SALL4: variants seen among roughly 807,000 people sequenced by gnomAD.
SALL4 encodes sal-like protein 4.
Under a neutral mutation model 60.8 loss-of-function variants are expected in SALL4, and 4 were observed. That is an observed-to-expected ratio of 0.07 (90% CI 0.03 to 0.15). SALL4 has a LOEUF of 0.15. Among genes scored for constraint, SALL4 ranks in the 10% least tolerant of loss-of-function variants. SALL4 has a pLI of 1.00. For synonymous variants in SALL4, 580 were observed against 574.9 expected, an observed-to-expected ratio of 1.01 and a Z score of -0.13; for missense variants, 1,178 against 1,394.7, an observed-to-expected ratio of 0.84 and a Z score of 2.48.
intron 1 of SALL4, among the ~76,000 whole-genome samples, chr20:51,794,033 G>A (rs563209488): frequency 1.6e-4 from 24 of 152,308 alleles, no homozygotes; most frequent in South Asian, 2.1e-4. Flanking sequence ...ACGCGTAATC[G>A]CGAGATGACA....
intron 1 of SALL4, chr20:51,792,685 T>A (rs1302543432): frequency 2.6e-4 from 50 of 191,120 alleles, no homozygotes; most frequent in East Asian, 6.7e-4. Context: ...CGAGACTCCA[T>A]CTCAAAAAAA....
chr20:51,790,692 C>T lies in SALL4; in HGVS notation c.1791G>A (p.Lys597=). The change falls in exon 2 of 4, where the codon AAG becomes AAA. Residue 597 remains lysine (K), a synonymous_variant. Transcript: ENST00000217086. This position sits in a 1 kb window ranked among gnomAD's most constrained non-coding sequence, Gnocchi z 5.5. ...TGGTAGAAAAGGCTCGGCCACAGAT[C>T]TTACACTGGAACGGTCTCTCCCCGG... The part of the protein sequence containing the change: ...THTGERPFQC[K]ICGRAFSTKG... 3 of 1,614,156 alleles carry T rather than the reference C, an allele frequency of 1.9e-6. No individual in the cohort carries two copies. The highest frequency in any genetic ancestry group is 2.5e-6 in the Non-Finnish European group (3 of 1,180,034).
At position 51,802,509 on chromosome 20, in the gene SALL4, T is replaced by G. The variant is rs776937537; in HGVS notation, c.-101A>C. The stretch of plus-strand genomic sequence containing the variant: ...TACCCCCCTTCGGCCGGAACGCGCA[T>G]GTCCCAGTAATTATTATTATCAATA... On this transcript the variant is annotated 5_prime_UTR_variant, in exon 1 of 4. An upstream start codon of the reference 5' UTR is lost. Coordinates refer to ENST00000217086, the MANE Select transcript of SALL4 (RefSeq NM_020436.5). 3.2e-6 allele frequency: 5 copies of G among 1,546,996 alleles called. No individual in the cohort carries two copies. Among genetic ancestry groups the G allele is most frequent in the Non-Finnish European group, 4.4e-6 (5 of 1,136,236 alleles).
At position 51,790,681 on chromosome 20, in the gene SALL4, C is replaced by G. The variant is rs1415936268; in HGVS notation, c.1802G>C (p.Arg601Pro). 1 of 1,614,118 alleles carries G rather than the reference C, an allele frequency of 6.2e-7. No homozygotes were observed. Among genetic ancestry groups the G allele is most frequent in the Non-Finnish European group, 8.5e-7 (1 of 1,180,032 alleles). ...CAGGTTACCTTTGGTAGAAAAGGCT[C>G]GGCCACAGATCTTACACTGGAACGG... Reference protein sequence around the residue: ...ERPFQCKICGRAFSTKGNLKT... With the variant: ...ERPFQCKICGPAFSTKGNLKT... Residue 601 changes from arginine to proline, a missense_variant, in exon 2 of 4, where the codon CGA (arginine) becomes CCA (proline). Arg to Pro is a moderately radical substitution (Grantham distance 103, BLOSUM62 -2). Around this residue, in one of 5 missense-constraint regions of SALL4, gnomAD observed 853 missense variants for 1,036.8 expected, o/e 0.82. Transcript: ENST00000217086. The surrounding 1 kb of genome is among the most constrained non-coding windows in gnomAD (Gnocchi z 5.5).
intron 1 of SALL4, chr20:51,797,364 AG>A (rs1051790613): frequency 3.9e-5 from 6 of 152,266 alleles, no homozygotes; most frequent in African/African-American, 1.4e-4. Context: ...GGCACAAAAA[AG>A]GTTAAGCTCC....
At position 51,784,171 on chromosome 20, in the gene SALL4, A is replaced by T; in HGVS notation, c.*94T>A. 6.8e-7 allele frequency: 1 copy of T among 1,464,000 alleles called. No homozygotes were observed. The highest frequency in any genetic ancestry group is 9.5e-7 in the Non-Finnish European group (1 of 1,053,298). 90.7% of individuals were successfully genotyped at this position (1,464,000 alleles called of 1,614,324 possible). A position where few individuals can be genotyped will look rare whatever the true frequency, so the allele number is the denominator to read the frequency against. ...TAAACATCATTTGCATATCAGTAAG[A>T]AAAAGAAAACAGGAGGAGATGAGTT... On this transcript the variant is annotated 3_prime_UTR_variant, in exon 4 of 4. Transcript: ENST00000217086.
In SALL4 at chr20:51,782,974, C is replaced by T. The variant is rs576488817; in HGVS notation, c.*1291G>A. On this transcript the variant is annotated 3_prime_UTR_variant, in exon 4 of 4. Coordinates refer to ENST00000217086, the MANE Select transcript of SALL4 (RefSeq NM_020436.5). ...ACCCAGGACGTGCCTGTTCTAACTT[C>T]GTAGCCTTCATGAAATATTCAGCAA... 3.3e-5 allele frequency: 5 copies of T among 152,302 alleles called. No homozygotes were observed. The highest frequency in any genetic ancestry group is 3.9e-4 in the East Asian group (2 of 5,190). 9.4% of individuals were successfully genotyped at this position (152,302 alleles called of 1,614,324 possible). A position where few individuals can be genotyped will look rare whatever the true frequency, so the allele number is the denominator to read the frequency against.
Position 51,790,909 on chromosome 20 carries a change from C to T in SALL4, c.1574G>A (p.Gly525Glu), listed in dbSNP as rs746415699. 33 of 1,614,012 alleles carry T rather than the reference C, an allele frequency of 2.0e-5. No homozygotes were observed. The highest frequency in any genetic ancestry group is 2.5e-5 in the Non-Finnish European group (30 of 1,180,046). ...AGCCCTTGGGGAATTATAGTTTGGTCCCACCCCAGGGAGTGTGGGTCCACC... is the reference window on the plus strand; with the variant it reads ...AGCCCTTGGGGAATTATAGTTTGGTTCCACCCCAGGGAGTGTGGGTCCACC... The part of the protein sequence containing the change: ...SEGGPTLPGV[G>E]PNYNSPRAGG... The change falls in exon 2 of 4, where the codon GGA (glycine) becomes GAA (glutamate). Residue 525 changes from glycine to glutamate, a missense_variant. Physicochemically the swap from Gly to Glu is moderately conservative, Grantham distance 98. Transcript: ENST00000217086. The surrounding 1 kb of genome is among the most constrained non-coding windows in gnomAD (Gnocchi z 5.5).
chr20:51,796,246 A>C (rs1358596666), intron 1 of SALL4, among the ~76,000 whole-genome samples: 1 of 150,964 alleles, frequency 6.6e-6, no homozygotes, highest in African/African-American at 2.4e-5. Context: ...GAAAAAAAAA[A>C]CCCTCAATAA....
chr20:51,787,359 G>A (rs546113863), intron 3 of SALL4, among the ~76,000 whole-genome samples: 17 of 152,302 alleles, frequency 1.1e-4, no homozygotes, highest in Admixed American at 5.9e-4. Context: ...GGGAGGCAGA[G>A]GTTGCAATGA....
intron 1 of SALL4, among the ~76,000 whole-genome samples, chr20:51,795,079 T>A (rs2078071613): frequency 6.6e-6 from 1 of 152,156 alleles, no homozygotes. Flanking sequence ...GGTAGAGTTC[T>A]AGTAGCAGGT....
chr20:51,791,838 G>C lies in SALL4; in HGVS notation c.645C>G (p.Leu215=), dbSNP rs61737139. ...VPGANSIPWV[L]EQILCLQQQQ... Reference sequence around the variant, plus strand: ...GCTGCTGCAGACACAAGATCTGCTCGAGGACCCACGGGATGCTGTTGGCAC... The same window carrying C: ...GCTGCTGCAGACACAAGATCTGCTCCAGGACCCACGGGATGCTGTTGGCAC... The change falls in exon 2 of 4, where the codon CTC becomes CTG. Residue 215 remains leucine, a synonymous_variant. Coordinates refer to ENST00000217086, the MANE Select transcript of SALL4 (RefSeq NM_020436.5). This position sits in a 1 kb window ranked among gnomAD's most constrained non-coding sequence, Gnocchi z 4.6. 44,909 of 1,614,128 alleles carry C rather than the reference G, an allele frequency of 0.028. 755 individuals are homozygous for C. Among genetic ancestry groups the C allele is most frequent in the Non-Finnish European group, 0.032 (37,863 of 1,180,040 alleles).
chr20:51,794,141 GT>G (rs2078066334), intron 1 of SALL4, among the ~76,000 whole-genome samples: 1 of 152,156 alleles, frequency 6.6e-6, no homozygotes, highest in Non-Finnish European at 1.5e-5. Flanking sequence ...AATGCCTCTC[GT>G]TCCACAATAC....
In SALL4 at chr20:51,783,336, A is replaced by C. The variant is rs923833519; in HGVS notation, c.*929T>G. ...ACTCCCTAAGGACTAACGTAAGTCC[A>C]TTTGAGGGCCTCCTACTTAAGGTTC... On this transcript the variant is annotated 3_prime_UTR_variant, in exon 4 of 4. Transcript: ENST00000217086. 6.6e-6 allele frequency: 1 copy of C among 152,182 alleles called. No individual in the cohort carries two copies. Among genetic ancestry groups the C allele is most frequent in the Non-Finnish European group, 1.5e-5 (1 of 68,044 alleles). 9.4% of individuals were successfully genotyped at this position (152,182 alleles called of 1,614,324 possible).
intron 1 of SALL4, among the ~76,000 whole-genome samples, chr20:51,798,223 T>C (rs912045915): frequency 3.9e-5 from 6 of 152,176 alleles, no homozygotes; most frequent in Non-Finnish European, 7.3e-5. Context: ...CAAACAGCCT[T>C]GAACCAAAAT....
In SALL4 at chr20:51,791,337, G is replaced by A. The variant is rs757483389; in HGVS notation, c.1146C>T (p.His382=). 4 of 1,614,188 alleles carry A rather than the reference G, an allele frequency of 2.5e-6. No individual in the cohort carries two copies. Among genetic ancestry groups the A allele is most frequent in the Admixed American group, 3.3e-5 (2 of 60,024 alleles). The change falls in exon 2 of 4, where the codon CAC becomes CAT. Residue 382 remains histidine (H), a synonymous_variant. Transcript: ENST00000217086. The surrounding 1 kb of genome is among the most constrained non-coding windows in gnomAD (Gnocchi z 4.6). ...KPKDEAALYK[H]KCKYCSKVFG... ...AAACCTTGCTACAGTACTTACACTTGTGCTTGTAGAGGGCCGCCTCGTCTT... is the reference window on the plus strand; with the variant it reads ...AAACCTTGCTACAGTACTTACACTTATGCTTGTAGAGGGCCGCCTCGTCTT...
At chr20:51,784,791 A>T in intron 3 of SALL4, 107 bp from the exon 4 acceptor site, 1 of 1,267,484 alleles carries the variant, frequency 7.9e-7, no homozygotes, top group Non-Finnish European at 1.1e-6. Context: ...GTGTTTTAAC[A>T]TATAGATGAT....
intron 1 of SALL4, among the ~76,000 whole-genome samples, chr20:51,799,288 A>G (rs1041813319): frequency 6.6e-6 from 1 of 152,252 alleles, no homozygotes; most frequent in Non-Finnish European, 1.5e-5. Flanking sequence ...AGAAAAAACA[A>G]AAAAACAGAA....
At position 51,801,267 on chromosome 20, in the gene SALL4, C is replaced by A. The variant is rs996658865; in HGVS notation, c.130+1012G>T. Among the ~76,000 whole-genome samples the A allele has an allele frequency of 2.9e-4, 44 of 152,332 alleles. No individual in the cohort carries two copies. The highest frequency in any genetic ancestry group is 2.6e-4 in the Non-Finnish European group (18 of 68,034). On this transcript the variant is annotated intron_variant, in intron 1 of 3. Coordinates refer to ENST00000217086, the MANE Select transcript of SALL4 (RefSeq NM_020436.5). This position sits in a 1 kb window ranked among gnomAD's most constrained non-coding sequence, Gnocchi z 5.2. ...ACAGAGTTGGCCCCGCCGTTCCTGG[C>A]GCGGCTGGGGTCCCGAACTCCCCTC...
Sources: allele counts gnomAD v4.1 joint callset (sites outside exome capture counted in the v4.1 genomes callset), GRCh38; gene constraint gnomAD v4.1.1; regional missense constraint gnomAD v4.1.1; non-coding constraint Gnocchi (gnomAD v3.1); transcripts MANE v1.5; gene names NCBI Gene and HGNC (gene_info 2026-07-23, HGNC 2026-07-21).